Variants in STRBP observed in about 807,000 individuals in gnomAD.
STRBP encodes the protein spermatid perinuclear RNA binding protein, also known as spermatid perinuclear RNA-binding protein.
Under a neutral mutation model 80.1 loss-of-function variants are expected in STRBP, and 13 were observed. The observed-to-expected ratio is 0.16, with a 90% confidence interval of 0.11 to 0.26. The LOEUF is 0.26. Among genes scored for constraint, STRBP ranks in the 10% least tolerant of loss-of-function variants. The pLI is 1.00. For synonymous variants in STRBP, 284 were observed against 291.2 expected (o/e 0.98, Z 0.25); for missense variants, 485 against 815.2 (o/e 0.59, Z 4.93).
intron 4 of STRBP, among the ~76,000 whole-genome samples, chr9:123,175,945 T>C (rs1419555744): frequency 6.6e-6 from 1 of 152,200 alleles, no homozygotes; most frequent in Non-Finnish European, 1.5e-5. Flanking sequence ...ATTTAGAAAA[T>C]GACATCGCTT....
In STRBP at chr9:123,122,780, A is replaced by G. The variant is rs2035773083; in HGVS notation, c.*2817T>C. 1.0e-6 allele frequency: 1 copy of G among 991,898 alleles called. No homozygotes were observed. The highest frequency in any genetic ancestry group is 1.2e-6 in the Non-Finnish European group (1 of 834,214). The allele number at this position is 991,898 out of a possible 1,614,324, so 61.4% of individuals were successfully genotyped here. ...GTAACGCTAACTGACGCAGTCAGGA[A>G]TGTAACTATTTATGTGCTAAAAAGT... On this transcript the variant is annotated 3_prime_UTR_variant, in exon 19 of 19. Transcript: ENST00000348403.
chr9:123,206,288 GTAGA>G (rs1463810152), intron 2 of STRBP, among the ~76,000 whole-genome samples: 7 of 152,052 alleles, frequency 4.6e-5, no homozygotes, highest in African/African-American at 7.3e-5. Context: ...TTTAAATACC[GTAGA>G]TAAAGCTAAA....
chr9:123,155,510 A>G (rs2037243915), intron 11 of STRBP, among the ~76,000 whole-genome samples: 1 of 152,174 alleles, frequency 6.6e-6, no homozygotes, highest in African/African-American at 2.4e-5. Flanking sequence ...AGAGAGTGGT[A>G]ATCAAGGATC....
At chr9:123,190,934 C>T (rs2038901460) in intron 2 of STRBP, among the ~76,000 whole-genome samples, 1 of 152,092 alleles carries the variant, frequency 6.6e-6, no homozygotes, top group Admixed American at 6.6e-5. Flanking sequence ...GTTGAAAGAA[C>T]CAAAAATTCA....
At chr9:123,178,230 A>T (rs577971049) in intron 4 of STRBP, among the ~76,000 whole-genome samples, 1 of 152,336 alleles carries the variant, frequency 6.6e-6, no homozygotes, top group African/African-American at 2.4e-5. Context: ...AAAATTCTGT[A>T]ACCTCTTTCA....
At chr9:123,173,247 C>G (rs1404091655) in intron 5 of STRBP, among the ~76,000 whole-genome samples, 1 of 152,196 alleles carries the variant, frequency 6.6e-6, no homozygotes. Context: ...GGCAAATTAA[C>G]TGAGTCTTCA....
chr9:123,239,756 T>C (rs2040653689), intron 1 of STRBP, among the ~76,000 whole-genome samples: 1 of 152,236 alleles, frequency 6.6e-6, no homozygotes, highest in Admixed American at 6.5e-5. Flanking sequence ...AAATATTTGA[T>C]AAATACAAAT....
chr9:123,190,151 A>G lies in STRBP; in HGVS notation c.-164-5853T>C, dbSNP rs374306963. Among the ~76,000 whole-genome samples, 13 of 152,236 alleles carry G rather than the reference A, an allele frequency of 8.5e-5. No homozygotes were observed. In the East Asian group the frequency reaches 1.4e-3, roughly 16 times the overall value. ...AAAAATCAGCCAAACGTGGTGGCAC[A>G]TGCCTGTAATCTCAGCCACTCGGGA... On this transcript the variant is annotated intron_variant, in intron 2 of 18. Coordinates refer to ENST00000348403, the MANE Select transcript of STRBP (RefSeq NM_018387.5).
chr9:123,236,179 T>C (rs1246474267), intron 2 of STRBP, among the ~76,000 whole-genome samples: 1 of 152,212 alleles, frequency 6.6e-6, no homozygotes, highest in Non-Finnish European at 1.5e-5. Context: ...GAGTACCATA[T>C]AGTATAAAGT....
In STRBP at chr9:123,124,774, C is replaced by G. The variant is rs1352718506; in HGVS notation, c.*823G>C. ...ATTCATAAACTAGGATAATCACATTCTCCTTCCCCATCTCTGGGTAGTGCC... is the reference window on the plus strand; with the variant it reads ...ATTCATAAACTAGGATAATCACATTGTCCTTCCCCATCTCTGGGTAGTGCC... On this transcript the variant is annotated 3_prime_UTR_variant, in exon 19 of 19. Transcript: ENST00000348403. The G allele has an allele frequency of 1.0e-6, 1 of 985,284 alleles. No individual in the cohort carries two copies. Among genetic ancestry groups the G allele is most frequent in the African/African-American group, 1.7e-5 (1 of 57,244 alleles). 61.0% of individuals were successfully genotyped at this position (985,284 alleles called of 1,614,324 possible).
intron 17 of STRBP, among the ~76,000 whole-genome samples, chr9:123,129,080 G>A (rs931950295): frequency 1.3e-5 from 2 of 152,222 alleles, no homozygotes; most frequent in African/African-American, 4.8e-5. Flanking sequence ...CTTGGGGCCA[G>A]GTGTGGTGGC....
At chr9:123,230,208 C>G (rs538723089) in intron 2 of STRBP, among the ~76,000 whole-genome samples, 38 of 152,260 alleles carry the variant, frequency 2.5e-4, no homozygotes, top group Non-Finnish European at 4.6e-4. Context: ...AAAATAAGAT[C>G]ACTAGATGAA....
Position 123,125,575 on chromosome 9 carries a change from A to G in STRBP, c.*22T>C. ...GTGTTGTACTGTATTGTTGTTCAAT[A>G]GGAATTAGCTTCTGTCATTTGCTAA... On this transcript the variant is annotated 3_prime_UTR_variant, in exon 19 of 19. Transcript: ENST00000348403. 1 of 1,610,044 alleles carries G rather than the reference A, an allele frequency of 6.2e-7. No homozygotes were observed. Among genetic ancestry groups the G allele is most frequent in the Non-Finnish European group, 8.5e-7 (1 of 1,178,822 alleles).
intron 2 of STRBP, among the ~76,000 whole-genome samples, chr9:123,218,274 A>G (rs2039958832): frequency 6.6e-6 from 1 of 151,794 alleles, no homozygotes; most frequent in South Asian, 2.1e-4. Flanking sequence ...ACTGGGAATG[A>G]TATGTAACAT....
chr9:123,255,037 T>C (rs912762584), intron 1 of STRBP, among the ~76,000 whole-genome samples: 1 of 152,212 alleles, frequency 6.6e-6, no homozygotes, highest in African/African-American at 2.4e-5. Context: ...AAATAAAAAG[T>C]GTACACAATT....
At chr9:123,268,061 C>G (rs1396506052) in intron 1 of STRBP, among the ~76,000 whole-genome samples, 1 of 151,234 alleles carries the variant, frequency 6.6e-6, no homozygotes, top group Admixed American at 6.6e-5. Context: ...CCAATGTCCT[C>G]CAACACCTGC....
intron 16 of STRBP, among the ~76,000 whole-genome samples, chr9:123,135,086 G>A (rs2036296970): frequency 6.6e-6 from 1 of 152,156 alleles, no homozygotes; most frequent in East Asian, 1.9e-4. Context: ...TGGCCTTTGG[G>A]AGAACTACCT....
intron 2 of STRBP, among the ~76,000 whole-genome samples, chr9:123,215,147 A>G (rs2039853888): frequency 1.3e-5 from 2 of 151,756 alleles, no homozygotes; most frequent in Non-Finnish European, 2.9e-5. Context: ...GCTCACTGCG[A>G]CCTCGAACTC....
chr9:123,175,595 A>G (rs141548919), intron 4 of STRBP, among the ~76,000 whole-genome samples: 1 of 152,326 alleles, frequency 6.6e-6, no homozygotes, highest in Non-Finnish European at 1.5e-5. Context: ...AGTGTAGGCA[A>G]TTGTCTGATA....
Sources: gnomAD v4.1 joint callset for allele counts (sites outside exome capture counted in the v4.1 genomes callset) on GRCh38, gnomAD v4.1.1 for gene constraint, MANE v1.5 for transcripts, NCBI Gene and HGNC (gene_info 2026-07-23, HGNC 2026-07-21) for gene names.